MYO3A: variants seen among roughly 807,000 people sequenced by gnomAD.
The protein encoded by MYO3A is myosin IIIA, also known as myosin-IIIa.
A neutral mutation model predicts 192.7 loss-of-function variants in MYO3A; 180 were observed. That is an observed-to-expected ratio of 0.93 (90% CI 0.83 to 1.06). MYO3A has a LOEUF of 1.06. Among genes scored for constraint, MYO3A ranks in the 50% least tolerant of loss-of-function variants. MYO3A has a pLI of 0.00. For missense variants in MYO3A, 1,896 were observed against 1,905.0 expected (o/e 1.00, Z 0.09); for synonymous variants, 628 against 645.3 (o/e 0.97, Z 0.41).
intron 2 of MYO3A, among the ~76,000 whole-genome samples, chr10:25,939,667 A>G (rs988916253): frequency 6.6e-6 from 1 of 151,958 alleles, no homozygotes; most frequent in Non-Finnish European, 1.5e-5. Context: ...CATTGCAATC[A>G]TACGTGCTCA....
chr10:26,055,824 GAAACCTAA>G (rs1588872937), intron 10 of MYO3A, among the ~76,000 whole-genome samples: 2 of 152,330 alleles, frequency 1.3e-5, no homozygotes, highest in East Asian at 3.9e-4. Flanking sequence ...TTAAAAGGTT[GAAACCTAA>G]TCATATAACT....
At chr10:25,968,744 T>C (rs1838416571) in intron 4 of MYO3A, among the ~76,000 whole-genome samples, 1 of 152,242 alleles carries the variant, frequency 6.6e-6, no homozygotes, top group South Asian at 2.1e-4. Flanking sequence ...ACAATTCACA[T>C]TTTCAGTTGT....
chr10:26,082,825 T>G (rs778651292), intron 14 of MYO3A, among the ~76,000 whole-genome samples: 3 of 152,084 alleles, frequency 2.0e-5, no homozygotes, highest in Non-Finnish European at 4.4e-5. Context: ...TGCTGACTTC[T>G]TTGTATAGGC....
intron 4 of MYO3A, among the ~76,000 whole-genome samples, chr10:25,966,929 G>A (rs1334094556): frequency 1.3e-5 from 2 of 152,094 alleles, no homozygotes; most frequent in East Asian, 1.9e-4. Context: ...AGAGACTTAG[G>A]ACTGTGACAT....
intron 10 of MYO3A, among the ~76,000 whole-genome samples, chr10:26,026,995 T>G (rs1376967543): frequency 6.6e-6 from 1 of 152,234 alleles, no homozygotes; most frequent in Non-Finnish European, 1.5e-5. Context: ...AGGCTGCACT[T>G]TTTAAACAAC....
intron 6 of MYO3A, among the ~76,000 whole-genome samples, chr10:26,010,461 T>G (rs551617756): frequency 0.013 from 1,691 of 134,948 alleles, 35 homozygotes; most frequent in African/African-American, 0.045. Flanking sequence ...TTTTTTTTTT[T>G]TTTTTTTTTT....
At chr10:25,975,324 C>G (rs1219411410) in intron 4 of MYO3A, among the ~76,000 whole-genome samples, 1 of 152,162 alleles carries the variant, frequency 6.6e-6, no homozygotes, top group Non-Finnish European at 1.5e-5. Context: ...TAGTTAGTTG[C>G]TGTGTTGAAA....
At chr10:25,983,316 T>G (rs965761649) in intron 4 of MYO3A, among the ~76,000 whole-genome samples, 5 of 151,530 alleles carry the variant, frequency 3.3e-5, no homozygotes, top group African/African-American at 7.3e-5. Context: ...AGTGCAGTGG[T>G]GCGATCTCGG....
Position 26,210,869 on chromosome 10 carries a change from C to G in MYO3A, c.4731-974C>G, listed in dbSNP as rs143554512. On this transcript the variant is annotated intron_variant, in intron 34 of 34. Transcript: ENST00000642920. The stretch of plus-strand genomic sequence containing the variant: ...TGATCTATCATCCTGGAATTACTGC[C>G]CTTCCCCACGAGATCTGCATGGCTC... 1.5e-4 allele frequency among the ~76,000 whole-genome samples: 23 copies of G among 152,100 alleles called. 1 individual carries two copies. The highest frequency in any genetic ancestry group is 5.1e-4 in the African/African-American group (21 of 41,442).
At chr10:25,949,192 C>G (rs1218070840) in intron 2 of MYO3A, among the ~76,000 whole-genome samples, 1 of 151,990 alleles carries the variant, frequency 6.6e-6, no homozygotes, top group Non-Finnish European at 1.5e-5. Flanking sequence ...AGTTTTCTAT[C>G]TTTGTATTTC....
At chr10:25,992,902 C>G (rs984679303) in intron 4 of MYO3A, among the ~76,000 whole-genome samples, 2 of 152,274 alleles carry the variant, frequency 1.3e-5, no homozygotes, top group Non-Finnish European at 2.9e-5. Context: ...CTGCTGGATT[C>G]GGTTTGCCAG....
intron 31 of MYO3A, among the ~76,000 whole-genome samples, chr10:26,178,888 G>A (rs568497403): frequency 1.3e-5 from 2 of 151,424 alleles, no homozygotes; most frequent in East Asian, 2.0e-4. Context: ...TGCAAGCTCC[G>A]CCTCCCAGGT....
chr10:26,150,272 T>A (rs1840722173), intron 23 of MYO3A, among the ~76,000 whole-genome samples: 1 of 152,234 alleles, frequency 6.6e-6, no homozygotes, highest in African/African-American at 2.4e-5. Context: ...GCATCTTTGT[T>A]TATGAGGAAT....
intron 4 of MYO3A, among the ~76,000 whole-genome samples, chr10:25,978,776 C>T (rs1371486816): frequency 1.3e-5 from 2 of 152,236 alleles, no homozygotes; most frequent in East Asian, 1.9e-4. Flanking sequence ...TATCAGGTGA[C>T]ATTCAAGCCA....
intron 31 of MYO3A, among the ~76,000 whole-genome samples, chr10:26,182,406 A>T (rs916027263): frequency 4.6e-5 from 7 of 152,208 alleles, no homozygotes; most frequent in African/African-American, 9.7e-5. Context: ...ATCACTTTTT[A>T]AAAATACTGG....
chr10:26,011,899 T>G (rs1841685480), intron 6 of MYO3A, among the ~76,000 whole-genome samples: 1 of 152,166 alleles, frequency 6.6e-6, no homozygotes, highest in Admixed American at 6.5e-5. Flanking sequence ...AGATAATTCA[T>G]CATAAGCAAG....
In MYO3A at chr10:26,154,767, C is replaced by G. The variant is rs550530253; in HGVS notation, c.2737C>G (p.Arg913Gly). Reference protein sequence around the residue: ...LAKGDTGEATRHARETTNMKT... With the variant: ...LAKGDTGEATGHARETTNMKT... ...TTAGGGCGACACTGGAGAAGCCACACGTCATGCCAGAGAGACAACCAACAT... is the reference window on the plus strand; with the variant it reads ...TTAGGGCGACACTGGAGAAGCCACAGGTCATGCCAGAGAGACAACCAACAT... Residue 913 changes from arginine (R) to glycine (G), a missense_variant, in exon 25 of 35, where the codon CGT (arginine) becomes GGT (glycine). Physicochemically the swap from Arg to Gly is moderately radical, Grantham distance 125. Transcript: ENST00000642920. The G allele has an allele frequency of 8.7e-6, 14 of 1,613,736 alleles. No individual in the cohort carries two copies. The South Asian group carries it at 1.3e-4, about 15-fold the overall frequency.
chr10:26,033,634 G>A (rs533123314), intron 10 of MYO3A, among the ~76,000 whole-genome samples: 26 of 152,252 alleles, frequency 1.7e-4, no homozygotes, highest in Non-Finnish European at 3.5e-4. Context: ...TCTACACAGA[G>A]GTCTGACAGC....
chr10:26,205,481 G>GGC (rs1843876685), intron 34 of MYO3A, among the ~76,000 whole-genome samples: 1 of 138,148 alleles, frequency 7.2e-6, no homozygotes, highest in Non-Finnish European at 1.6e-5. Flanking sequence ...TTTTTTTTTG[G>GGC]GGGGGGGCTT....
Sources: gnomAD v4.1 joint callset for allele counts (sites outside exome capture counted in the v4.1 genomes callset) on GRCh38, gnomAD v4.1.1 for gene constraint, MANE v1.5 for transcripts, NCBI Gene and HGNC (gene_info 2026-07-23, HGNC 2026-07-21) for gene names.